Variants in FAM83G observed in about 807,000 individuals in gnomAD.
FAM83G encodes the protein protein FAM83G.
In FAM83G, 38 loss-of-function variants were observed where a neutral mutation model predicts 61.5. The ratio of observed to expected loss-of-function variants is 0.62; its 90% CI spans 0.48 to 0.81. FAM83G has a LOEUF of 0.81. FAM83G is among the 30% of genes least tolerant of loss of function. The pLI is 0.00. For synonymous variants in FAM83G, 470 were observed against 476.1 expected (o/e 0.99, Z 0.17); for missense variants, 989 against 1,133.6 (o/e 0.87, Z 1.83).
intron 2 of FAM83G, among the ~76,000 whole-genome samples, chr17:18,998,645 C>T (rs1462864406): frequency 6.6e-6 from 1 of 152,204 alleles, no homozygotes; most frequent in Non-Finnish European, 1.5e-5. Context: ...GCTCCTTCCT[C>T]GAAGGGCTGC....
rs1212473805 is a variant in FAM83G, at chr17:19,004,512, G to T, written c.-129+197C>A. Reference sequence around the variant, plus strand: ...CTTCTTAGAGTGGGAGGCGGCCCCGGCACAGAGGCGCCCCGCAAACCGAGG... The same window carrying T: ...CTTCTTAGAGTGGGAGGCGGCCCCGTCACAGAGGCGCCCCGCAAACCGAGG... On this transcript the variant is annotated intron_variant, in intron 1 of 5. Transcript: ENST00000388995. The surrounding 1 kb of genome is among the most constrained non-coding windows in gnomAD (Gnocchi z 5.4). 6.6e-6 allele frequency among the ~76,000 whole-genome samples: 1 copy of T among 152,136 alleles called. No homozygotes were observed. The highest frequency in any genetic ancestry group is 2.1e-4 in the South Asian group (1 of 4,836).
chr17:18,988,155 C>G, intron 3 of FAM83G, 92 bp downstream of exon 3: 3 of 1,519,728 alleles, frequency 2.0e-6, no homozygotes, highest in Non-Finnish European at 2.7e-6. Flanking sequence ...GCACAGGACT[C>G]CGTCCAGAGC....
chr17:18,991,467 C>A (rs928556087), intron 2 of FAM83G, among the ~76,000 whole-genome samples: 1 of 152,222 alleles, frequency 6.6e-6, no homozygotes, highest in South Asian at 2.1e-4. Flanking sequence ...CAAGCCCACA[C>A]GTCCTCTCAG....
intron 4 of FAM83G, 33 bp from the exon 5 acceptor site, chr17:18,978,883 C>T: frequency 6.2e-7 from 1 of 1,604,478 alleles, no homozygotes; most frequent in East Asian, 2.2e-5. Context: ...TGGTCAGGCA[C>T]ATGACCCTGC....
chr17:18,993,685 GAGA>G (rs1435513497), intron 2 of FAM83G, among the ~76,000 whole-genome samples: 4 of 152,156 alleles, frequency 2.6e-5, no homozygotes, highest in Non-Finnish European at 5.9e-5. Context: ...TTTCCCACCT[GAGA>G]AGTGCCGGGG....
chr17:18,991,774 T>A (rs185178623), intron 2 of FAM83G, among the ~76,000 whole-genome samples: 174 of 152,264 alleles, frequency 1.1e-3, no homozygotes, highest in Non-Finnish European at 1.1e-3. Flanking sequence ...ACAGCCCAGC[T>A]CCCAAGTGAA....
Position 18,996,636 on chromosome 17 carries a change from A to G in FAM83G, c.522+6884T>C, listed in dbSNP as rs570322208. Among the ~76,000 whole-genome samples, 16 of 152,268 alleles carry G rather than the reference A, an allele frequency of 1.1e-4. No homozygotes were observed. The highest frequency in any genetic ancestry group is 3.4e-3 in the Middle Eastern group (1 of 294). On this transcript the variant is annotated intron_variant, in intron 2 of 5. Transcript: ENST00000388995. This position sits in a 1 kb window ranked among gnomAD's most constrained non-coding sequence, Gnocchi z 4.4. ...GACCCCAGCCAGAGCAAGGATAATT[A>G]GGCCAACCAGCTGGCACGCATACAG...
intron 2 of FAM83G, among the ~76,000 whole-genome samples, chr17:19,001,321 C>T (rs1344360248): frequency 2.6e-5 from 4 of 152,186 alleles, no homozygotes; most frequent in Middle Eastern, 3.2e-3. Flanking sequence ...TTCTCTGTGC[C>T]TCAGTATCCT....
chr17:18,972,494 ACT>A (rs1195463642), intron 5 of FAM83G, among the ~76,000 whole-genome samples: 1 of 151,818 alleles, frequency 6.6e-6, no homozygotes, highest in Non-Finnish European at 1.5e-5. Flanking sequence ...GTGGTTCCCG[ACT>A]CTGCTCTTCC....
chr17:18,999,409 G>A (rs2043665639), intron 2 of FAM83G, among the ~76,000 whole-genome samples: 1 of 152,242 alleles, frequency 6.6e-6, no homozygotes, highest in African/African-American at 2.4e-5. Context: ...GGGAATGGGA[G>A]GGTGCTCAGG....
At chr17:19,002,782 G>GC (rs987606664) in intron 2 of FAM83G, among the ~76,000 whole-genome samples, 4 of 152,148 alleles carry the variant, frequency 2.6e-5, no homozygotes, top group African/African-American at 9.7e-5. Context: ...GCCAAGAATG[G>GC]CCCCCCACAG....
chr17:18,981,770 C>T (rs1258621961), intron 3 of FAM83G, among the ~76,000 whole-genome samples: 3 of 152,236 alleles, frequency 2.0e-5, no homozygotes, highest in Non-Finnish European at 4.4e-5. Flanking sequence ...CCCTCGCCGG[C>T]CCCCCACCCC....
rs2043105101 is a variant in FAM83G, at chr17:18,980,543, GTC to G, written c.691-872_691-871del. ...TAAGGGCCCTCTGTCCCAGTGTGGA[GTC>G]TCTGGAGCTGCCAAGGGCCTGTGTG... is the stretch of plus-strand genomic sequence containing the variant. On this transcript the variant is annotated intron_variant, in intron 3 of 5. Coordinates refer to ENST00000388995, the MANE Select transcript of FAM83G (RefSeq NM_001039999.3). Among the ~76,000 whole-genome samples the G allele has an allele frequency of 3.3e-5, 5 of 152,280 alleles. No individual in the cohort carries two copies. In the South Asian group the frequency reaches 1.0e-3, roughly 32 times the overall value.
chr17:18,995,353 T>TATAC (rs1348586485), intron 2 of FAM83G, among the ~76,000 whole-genome samples: 1 of 152,128 alleles, frequency 6.6e-6, no homozygotes, highest in Non-Finnish European at 1.5e-5. Context: ...AAAAATATAC[T>TATAC]AGGTGGAATT....
At chr17:18,976,162 T>TG (rs2042972386) in intron 5 of FAM83G, 1 of 108,968 alleles carries the variant, frequency 9.2e-6, no homozygotes, top group Non-Finnish European at 1.8e-5. Context: ...CACTCCAGCC[T>TG]GGGCGACAGA....
At chr17:18,975,155 C>G (rs1944469238) in intron 5 of FAM83G, among the ~76,000 whole-genome samples, 1 of 152,186 alleles carries the variant, frequency 6.6e-6, no homozygotes, top group South Asian at 2.1e-4. Context: ...CTAGACAGAA[C>G]CACCGTCTAA....
chr17:18,986,494 T>C (rs1347692834), intron 3 of FAM83G, among the ~76,000 whole-genome samples: 1 of 152,174 alleles, frequency 6.6e-6, no homozygotes, highest in Non-Finnish European at 1.5e-5. Context: ...CGGATCTCAG[T>C]TTCTCCATCT....
rs1043235717 is a variant in FAM83G at position 18,998,220 on chromosome 17, C to T, written c.522+5300G>A. Among the ~76,000 whole-genome samples the T allele has an allele frequency of 5.3e-5, 8 of 152,284 alleles. No individual in the cohort carries two copies. The East Asian group carries it at 7.7e-4, about 15-fold the overall frequency. On this transcript the variant is annotated intron_variant, in intron 2 of 5. Transcript: ENST00000388995. ...ACAGGGTGGGACCCCATCTTCCTCC[C>T]CAGCTGCTCTCAAGGCAGAGGGTAG...
chr17:18,992,842 G>A (rs1030822785), intron 2 of FAM83G, among the ~76,000 whole-genome samples: 6 of 152,132 alleles, frequency 3.9e-5, no homozygotes, highest in East Asian at 1.9e-4. Context: ...ATCTCATTGC[G>A]CCCACAGGTC....
Sources: allele counts gnomAD v4.1 joint callset (sites outside exome capture counted in the v4.1 genomes callset), GRCh38; gene constraint gnomAD v4.1.1; non-coding constraint Gnocchi (gnomAD v3.1); transcripts MANE v1.5; gene names NCBI Gene and HGNC (gene_info 2026-07-23, HGNC 2026-07-21).